Variants in SIPA1L1 observed in about 807,000 individuals in gnomAD.
SIPA1L1 encodes the protein signal-induced proliferation-associated 1-like protein 1.
In SIPA1L1, 26 loss-of-function variants were observed where a neutral mutation model predicts 162.7. The ratio of observed to expected loss-of-function variants is 0.16; its 90% CI spans 0.12 to 0.22. The LOEUF is 0.22. Ranked by LOEUF, SIPA1L1 falls within the 10% of genes least tolerant of loss-of-function variation. SIPA1L1 has a pLI of 1.00. For missense variants in SIPA1L1, 1,874 were observed against 2,241.0 expected (o/e 0.84, Z 3.31); for synonymous variants, 829 against 837.4 (o/e 0.99, Z 0.17).
At chr14:71,688,864 C>A (rs534337278) in intron 13 of SIPA1L1, among the ~76,000 whole-genome samples, 11 of 152,310 alleles carry the variant, frequency 7.2e-5, no homozygotes, top group African/African-American at 2.4e-4. Flanking sequence ...TCATTCCATT[C>A]ATTTTTTCTC....
intron 2 of SIPA1L1, among the ~76,000 whole-genome samples, chr14:71,398,942 T>G (rs1453389520): frequency 6.6e-6 from 1 of 152,274 alleles, no homozygotes; most frequent in East Asian, 1.9e-4. Context: ...CATAAGTGTT[T>G]GAATTAAAGT....
intron 7 of SIPA1L1, among the ~76,000 whole-genome samples, chr14:71,635,851 G>A (rs1441964731): frequency 6.6e-6 from 1 of 152,106 alleles, no homozygotes; most frequent in African/African-American, 2.4e-5. Flanking sequence ...TGAAATATAA[G>A]TAGTTGAAAG....
At chr14:71,468,229 A>G (rs2142104359) in intron 2 of SIPA1L1, among the ~76,000 whole-genome samples, 1 of 152,360 alleles carries the variant, frequency 6.6e-6, no homozygotes, top group Non-Finnish European at 1.5e-5. Context: ...TTTAAAAGCT[A>G]GAGCCATATT....
chr14:71,502,363 C>T (rs1375949117), intron 2 of SIPA1L1, among the ~76,000 whole-genome samples: 2 of 150,620 alleles, frequency 1.3e-5, no homozygotes, highest in African/African-American at 2.4e-5. Context: ...CTCAGCCTCC[C>T]GAGTAGCTGA....
In SIPA1L1 at chr14:71,616,931, T is replaced by G. The variant is rs576120513; in HGVS notation, c.1499-1826T>G. Among the ~76,000 whole-genome samples, 3 of 152,192 alleles carry G rather than the reference T, an allele frequency of 2.0e-5. No individual in the cohort carries two copies. In the East Asian group the frequency reaches 5.8e-4, roughly 29 times the overall value. The stretch of plus-strand genomic sequence containing the variant: ...GCCATGCCACCTGCCCATTGTGAGA[T>G]ATGTGGGGTGTACTTGAGGGGTTCC... On this transcript the variant is annotated intron_variant, in intron 5 of 23. Transcript: ENST00000381232.
chr14:71,421,762 A>G (rs1012266228), intron 2 of SIPA1L1, among the ~76,000 whole-genome samples: 4 of 151,946 alleles, frequency 2.6e-5, no homozygotes, highest in Non-Finnish European at 5.9e-5. Context: ...TGGAGATGCA[A>G]TTACCTGGAT....
rs201552918 is a variant in SIPA1L1, at chr14:71,702,285, C to T, written c.3522-96C>T. On this transcript the variant is annotated intron_variant, in intron 14 of 23. Transcript: ENST00000381232. ...GACACATAAGCAAAAACCAGTAGTG[C>T]CTGTCATTAAAATTTAGTTCATTAC... The T allele has an allele frequency of 1.2e-5, 16 of 1,322,724 alleles. No individual in the cohort carries two copies. In the East Asian group the frequency reaches 3.0e-4, roughly 25 times the overall value. 81.9% of individuals were successfully genotyped at this position (1,322,724 alleles called of 1,614,324 possible).
chr14:71,382,261 C>G (rs921782350), intron 2 of SIPA1L1, among the ~76,000 whole-genome samples: 3 of 152,138 alleles, frequency 2.0e-5, no homozygotes, highest in Non-Finnish European at 4.4e-5. Flanking sequence ...GCTAAGAATT[C>G]TATGTAGTTT....
At position 71,480,096 on chromosome 14, in the gene SIPA1L1, T is replaced by G. The variant is rs753891631; in HGVS notation, c.-464-32647T>G. Among the ~76,000 whole-genome samples the G allele has an allele frequency of 5.3e-5, 8 of 151,866 alleles. No homozygotes were observed. The East Asian group carries it at 7.8e-4, about 15-fold the overall frequency. ...GTGTTTTTTTTGTTTTTTGTTTTTT[T>G]TTTTGAGACGGAGTCTTGCTCTGTT... is the stretch of plus-strand genomic sequence containing the variant. On this transcript the variant is annotated intron_variant, in intron 2 of 23. Coordinates refer to ENST00000381232, the MANE Select transcript of SIPA1L1 (RefSeq NM_001386936.1).
At chr14:71,362,253 G>T (rs1161562214) in intron 2 of SIPA1L1, among the ~76,000 whole-genome samples, 1 of 152,200 alleles carries the variant, frequency 6.6e-6, no homozygotes, top group Admixed American at 6.5e-5. Flanking sequence ...GATTTAGCTC[G>T]TACTATTTAT....
intron 4 of SIPA1L1, among the ~76,000 whole-genome samples, chr14:71,565,751 G>A (rs1054912013): frequency 2.6e-5 from 4 of 151,942 alleles, no homozygotes; most frequent in Admixed American, 6.6e-5. Context: ...AAATTATGGG[G>A]TGTATGTAAT....
intron 2 of SIPA1L1, among the ~76,000 whole-genome samples, chr14:71,475,882 T>A (rs572866119): frequency 5.3e-5 from 8 of 152,266 alleles, no homozygotes; most frequent in African/African-American, 1.9e-4. Flanking sequence ...ACAGAAAGAG[T>A]GCAGTGTTAA....
In SIPA1L1 at chr14:71,529,573, G is replaced by A. The variant is rs185561255; in HGVS notation, c.-303+203G>A. ...ATACAGTGTAATAGTGATTTATTTC[G>A]TATTCTGATACAGTATTGCTCAGGC... On this transcript the variant is annotated intron_variant, in intron 4 of 23. Coordinates refer to ENST00000381232, the MANE Select transcript of SIPA1L1 (RefSeq NM_001386936.1). 1.1e-3 allele frequency among the ~76,000 whole-genome samples: 164 copies of A among 152,210 alleles called. 1 individual carries two copies. Among genetic ancestry groups the A allele is most frequent in the Admixed American group, 2.0e-4 (3 of 15,300 alleles).
intron 3 of SIPA1L1, among the ~76,000 whole-genome samples, chr14:71,516,843 G>A (rs1268733485): frequency 2.6e-5 from 4 of 151,854 alleles, no homozygotes; most frequent in Non-Finnish European, 4.4e-5. Flanking sequence ...TGTGGTGGCG[G>A]GCGCCTGTAA....
At chr14:71,495,570 T>G (rs1337897565) in intron 2 of SIPA1L1, among the ~76,000 whole-genome samples, 1 of 151,904 alleles carries the variant, frequency 6.6e-6, no homozygotes, top group Admixed American at 6.6e-5. Context: ...TTTATTTACT[T>G]TTTCAAAGAA....
intron 2 of SIPA1L1, among the ~76,000 whole-genome samples, chr14:71,348,713 CTG>C (rs1168232873): frequency 6.6e-6 from 1 of 152,180 alleles, no homozygotes; most frequent in African/African-American, 2.4e-5. Context: ...GCTAAACCCA[CTG>C]TTTAATTTTA....
intron 2 of SIPA1L1, among the ~76,000 whole-genome samples, chr14:71,349,238 C>A (rs1194488199): frequency 6.6e-6 from 1 of 152,144 alleles, no homozygotes; most frequent in Admixed American, 6.5e-5. Context: ...AGAGGGGAAC[C>A]CAGCAAGGCC....
intron 4 of SIPA1L1, among the ~76,000 whole-genome samples, chr14:71,539,344 AT>A (rs1198747728): frequency 2.0e-5 from 3 of 152,194 alleles, no homozygotes; most frequent in Admixed American, 1.3e-4. Flanking sequence ...CATGATCTCC[AT>A]TGGTGAAATG....
chr14:71,581,706 G>A (rs1596260759), intron 4 of SIPA1L1, among the ~76,000 whole-genome samples: 2 of 151,698 alleles, frequency 1.3e-5, no homozygotes, highest in South Asian at 2.1e-4. Flanking sequence ...TTACTTCTTC[G>A]GTCTCATCTG....
Sources: gnomAD v4.1 joint callset for allele counts (sites outside exome capture counted in the v4.1 genomes callset) on GRCh38, gnomAD v4.1.1 for gene constraint, MANE v1.5 for transcripts, NCBI Gene and HGNC (gene_info 2026-07-23, HGNC 2026-07-21) for gene names.